MTA3: variants seen among roughly 807,000 people sequenced by gnomAD.
MTA3 encodes metastasis-associated protein MTA3.
Under a neutral mutation model 83.5 loss-of-function variants are expected in MTA3, and 34 were observed. The observed-to-expected ratio is 0.41, with a 90% CI of 0.31 to 0.54. MTA3 has a LOEUF of 0.54. Among genes scored for constraint, MTA3 ranks in the 20% least tolerant of loss-of-function variants. MTA3 has a pLI of 0.33. For missense variants in MTA3, 761 were observed against 726.4 expected (o/e 1.05, Z -0.55); for synonymous variants, 303 against 252.7 (o/e 1.20, Z -1.89).
At position 42,721,330 on chromosome 2, in the gene MTA3, CT is replaced by C. The variant is rs773375150; in HGVS notation, c.1613-1544del. On this transcript the variant is annotated intron_variant, in intron 15 of 16. Transcript: ENST00000405094. ...GACTGTTCTTTTTCTTTTTCTTTTTCTTTTTTTTTTTTTTTGAGATAGAGTC... is the reference window on the plus strand; with the variant it reads ...GACTGTTCTTTTTCTTTTTCTTTTTCTTTTTTTTTTTTTTGAGATAGAGTC... 4.0e-3 allele frequency among the ~76,000 whole-genome samples: 557 copies of C among 138,028 alleles called. 1 individual carries two copies. The highest frequency in any genetic ancestry group is 7.2e-3 in the African/African-American group (273 of 37,840). 90.6% of individuals were successfully genotyped at this position (138,028 alleles called of 152,430 possible).
intron 4 of MTA3, among the ~76,000 whole-genome samples, chr2:42,634,672 T>G (rs535417230): frequency 4.1e-4 from 62 of 152,254 alleles, no homozygotes; most frequent in African/African-American, 1.3e-3. Context: ...TTAAATTTTG[T>G]TATTTTTTTA....
At chr2:42,600,040 C>CAA (rs34734466) in intron 3 of MTA3, among the ~76,000 whole-genome samples, 7 of 151,550 alleles carry the variant, frequency 4.6e-5, no homozygotes, top group African/African-American at 7.3e-5. Flanking sequence ...ACTAAAAATA[C>CAA]AAAAAAAATT....
chr2:42,574,133 G>A (rs1053047159), intron 2 of MTA3, among the ~76,000 whole-genome samples: 1 of 145,274 alleles, frequency 6.9e-6, no homozygotes, highest in African/African-American at 2.5e-5. Flanking sequence ...ACCGCGCCCG[G>A]CTTTTTTTTT....
chr2:42,682,541 G>T lies in MTA3; in HGVS notation c.843G>T (p.Glu281Asp). Residue 281 changes from glutamate to aspartate, a missense_variant, in exon 9 of 17, where the codon GAG becomes GAT. By Grantham distance (45) the Glu-to-Asp change is conservative. Transcript: ENST00000405094. Reference sequence around the variant, plus strand: ...CCTCTGAAGCTAGCTTATTTGAAGAGGCACTGGAAAAATATGGCAAAGACT... The same window carrying T: ...CCTCTGAAGCTAGCTTATTTGAAGATGCACTGGAAAAATATGGCAAAGACT... ...WSASEASLFE[E>D]ALEKYGKDFN... is the part of the protein sequence containing the mutation. 6.2e-7 allele frequency: 1 copy of T among 1,612,776 alleles called. No homozygotes were observed. The highest frequency in any genetic ancestry group is 8.5e-7 in the Non-Finnish European group (1 of 1,179,402).
chr2:42,690,016 A>G (rs775202208), intron 9 of MTA3, among the ~76,000 whole-genome samples: 2 of 151,682 alleles, frequency 1.3e-5, no homozygotes, highest in African/African-American at 2.4e-5. Context: ...GTGGTAACAC[A>G]CCCTGTAGTC....
At chr2:42,567,061 T>G (rs971002506), upstream of MTA3, among the ~76,000 whole-genome samples, 16 of 152,242 alleles carry the variant, frequency 1.1e-4, no homozygotes, top group African/African-American at 3.9e-4. Flanking sequence ...TTTTGCTTTC[T>G]TCTTTGGGTC....
chr2:42,718,250 GTTA>G lies in MTA3; in HGVS notation c.1526-726_1526-724del, dbSNP rs983091667. ...ATTCTCTTGCATGTAAATTATTATT[GTTA>G]TTATTATTATTGAGATGGAGTTTCG... On this transcript the variant is annotated intron_variant, in intron 14 of 16. Transcript: ENST00000405094. Among the ~76,000 whole-genome samples the G allele has an allele frequency of 3.8e-4, 57 of 151,876 alleles. 1 individual carries two copies. Among genetic ancestry groups the G allele is most frequent in the Admixed American group, 2.9e-3 (44 of 15,254 alleles).
intron 2 of MTA3, among the ~76,000 whole-genome samples, chr2:42,524,484 T>TTG (rs1558413269): frequency 2.1e-5 from 2 of 95,402 alleles, no homozygotes; most frequent in African/African-American, 9.2e-5. Flanking sequence ...TTTTTTTTTT[T>TTG]TTTTTTTTTT....
chr2:42,568,695 C>A lies in MTA3; in HGVS notation c.-51C>A. 8 of 1,107,246 alleles carry A rather than the reference C, an allele frequency of 7.2e-6. No homozygotes were observed. The highest frequency in any genetic ancestry group is 4.7e-5 in the Admixed American group (1 of 21,444). The allele number at this position is 1,107,246 out of a possible 1,614,324, so 68.6% of individuals were successfully genotyped here. ...GTCGCGGCTGAGGCTGAGGAGGAGG[C>A]GGCGGCGGCGGGCGGGGCTCGGCTC... is the stretch of plus-strand genomic sequence containing the variant. On this transcript the variant is annotated 5_prime_UTR_variant, in exon 1 of 17. Transcript: ENST00000405094.
At chr2:42,713,901 A>T (rs1666828176) in intron 14 of MTA3, among the ~76,000 whole-genome samples, 2 of 152,184 alleles carry the variant, frequency 1.3e-5, no homozygotes, top group East Asian at 3.9e-4. Context: ...TTTCATACTG[A>T]TGTATAAAAT....
At position 42,588,682 on chromosome 2, in the gene MTA3, A is replaced by G. The variant is rs182262220; in HGVS notation, c.190+9482A>G. On this transcript the variant is annotated intron_variant, in intron 3 of 16. Transcript: ENST00000405094. ...AAGATTATTAATTATACTTCTTACT[A>G]TTCACCTATCCCTATAGGTGTATCA... Among the ~76,000 whole-genome samples, 54 of 152,268 alleles carry G rather than the reference A, an allele frequency of 3.5e-4. 1 individual carries two copies. Among genetic ancestry groups the G allele is most frequent in the African/African-American group, 1.2e-3 (50 of 41,564 alleles).
At chr2:42,615,031 CTG>C (rs1375543388) in intron 4 of MTA3, among the ~76,000 whole-genome samples, 3 of 150,982 alleles carry the variant, frequency 2.0e-5, no homozygotes, top group Admixed American at 2.0e-4. Flanking sequence ...TGACTCATGA[CTG>C]TAATCCCGGC....
At chr2:42,689,334 T>C (rs1379163215) in intron 9 of MTA3, among the ~76,000 whole-genome samples, 1 of 152,222 alleles carries the variant, frequency 6.6e-6, no homozygotes, top group East Asian at 1.9e-4. Context: ...ACATGTTGTT[T>C]TGAATCTATG....
intron 2 of MTA3, among the ~76,000 whole-genome samples, chr2:42,572,789 G>T (rs1344921906): frequency 6.6e-6 from 1 of 152,040 alleles, no homozygotes; most frequent in Non-Finnish European, 1.5e-5. Context: ...GTGCAATGGC[G>T]CAATCTTGGC....
chr2:42,506,229 G>C (rs1357225650), intron 2 of MTA3, among the ~76,000 whole-genome samples: 1 of 152,168 alleles, frequency 6.6e-6, no homozygotes, highest in Non-Finnish European at 1.5e-5. Flanking sequence ...AGAATTGTTT[G>C]AGCCCAGGAG....
intron 16 of MTA3, among the ~76,000 whole-genome samples, chr2:42,748,983 A>T (rs1282730376): frequency 1.3e-5 from 2 of 152,142 alleles, no homozygotes; most frequent in Non-Finnish European, 2.9e-5. Context: ...AGGCCCCTTT[A>T]ACTTCACAGA....
chr2:42,741,655 A>G (rs2104583982), intron 16 of MTA3, among the ~76,000 whole-genome samples: 1 of 152,292 alleles, frequency 6.6e-6, no homozygotes, highest in East Asian at 1.9e-4. Flanking sequence ...CAGTCAGAGG[A>G]CACATAGCAT....
intron 2 of MTA3, among the ~76,000 whole-genome samples, chr2:42,552,305 C>T (rs997893968): frequency 1.3e-5 from 2 of 152,126 alleles, no homozygotes; most frequent in African/African-American, 4.8e-5. Flanking sequence ...AGGTATGAAT[C>T]AGATGGGATT....
chr2:42,597,436 A>C, intron 3 of MTA3, among the ~76,000 whole-genome samples: 1 of 130,130 alleles, frequency 7.7e-6, no homozygotes, highest in African/African-American at 3.0e-5. Flanking sequence ...GCCAGGCTGG[A>C]GTGCAGTGGC....
Sources: gnomAD v4.1 joint callset for allele counts (sites outside exome capture counted in the v4.1 genomes callset) on GRCh38, gnomAD v4.1.1 for gene constraint, MANE v1.5 for transcripts, NCBI Gene and HGNC (gene_info 2026-07-23, HGNC 2026-07-21) for gene names.